CLTB: variants seen among roughly 807,000 people sequenced by gnomAD.
CLTB encodes clathrin light chain B, also known as clathrin, light chain (Lcb).
Under a neutral mutation model 30.5 loss-of-function variants are expected in CLTB, and 10 were observed. The observed-to-expected ratio is 0.33, with a 90% CI of 0.20 to 0.56. CLTB has a LOEUF of 0.56. Ranked by LOEUF, CLTB falls within the 20% of genes least tolerant of loss-of-function variation. CLTB has a pLI of 0.91. For synonymous variants in CLTB, 102 were observed against 120.3 expected, an observed-to-expected ratio of 0.85 and a Z score of 1.00; for missense variants, 261 against 308.3, an observed-to-expected ratio of 0.85 and a Z score of 1.15.
intron 2 of CLTB, chr5:176,406,018 G>C: frequency 2.6e-6 from 1 of 386,988 alleles, no homozygotes; most frequent in South Asian, 1.1e-4. Flanking sequence ...CAGTGGTGCT[G>C]CTGGCAGGCA....
At chr5:176,412,975 C>T (rs1757524199) in intron 1 of CLTB, among the ~76,000 whole-genome samples, 1 of 151,258 alleles carries the variant, frequency 6.6e-6, no homozygotes, top group Non-Finnish European at 1.5e-5. Flanking sequence ...CCTGACCAAC[C>T]CCAGTCTCAG....
intron 1 of CLTB, among the ~76,000 whole-genome samples, chr5:176,414,569 T>C (rs1188620624): frequency 2.0e-5 from 3 of 151,984 alleles, no homozygotes; most frequent in African/African-American, 7.3e-5. Flanking sequence ...CCCGAGCAGC[T>C]GGAACTACAA....
chr5:176,404,426 C>T (rs1001887320), intron 2 of CLTB, among the ~76,000 whole-genome samples: 8 of 152,242 alleles, frequency 5.3e-5, no homozygotes, highest in African/African-American at 7.2e-5. Context: ...GGAGCGGAGC[C>T]TCTAATTCGC....
In CLTB at chr5:176,396,479, A is replaced by ACGTAGC; in HGVS notation, c.512_517dup (p.Gly171_Tyr172dup). 6.2e-7 allele frequency: 1 copy of ACGTAGC among 1,613,484 alleles called. No individual in the cohort carries two copies. Among genetic ancestry groups the ACGTAGC allele is most frequent in the African/African-American group, 1.3e-5 (1 of 75,006 alleles). On this transcript the variant is annotated inframe_insertion and splice_region_variant, in exon 5 of 6. Transcript: ENST00000310418. ...ACAGAGAAGCAAAACAGACACGTAC[A>ACGTAGC]CGTAGCCGATGATATCAGCATCTGG...
In CLTB at chr5:176,396,882, G is replaced by A. The variant is rs146384042; in HGVS notation, c.465-350C>T. On this transcript the variant is annotated intron_variant, in intron 4 of 5. Coordinates refer to ENST00000310418, the MANE Select transcript of CLTB (RefSeq NM_007097.5). ...CTGCCTTCTCTCCCACCGCTCCCTGGCCCCCTGTTGCCTAATACATCACAT... is the reference window on the plus strand; with the variant it reads ...CTGCCTTCTCTCCCACCGCTCCCTGACCCCCTGTTGCCTAATACATCACAT... 1.9e-4 allele frequency among the ~76,000 whole-genome samples: 29 copies of A among 152,062 alleles called. 1 individual carries two copies. The highest frequency in any genetic ancestry group is 7.0e-4 in the African/African-American group (29 of 41,474).
intron 2 of CLTB, among the ~76,000 whole-genome samples, chr5:176,403,045 C>T (rs1473762805): frequency 6.7e-6 from 1 of 148,608 alleles, no homozygotes; most frequent in Non-Finnish European, 1.5e-5. Flanking sequence ...TAAAGCCTGC[C>T]CTAATTTTTT....
In CLTB at chr5:176,393,920, C is replaced by T. The variant is rs1203829042; in HGVS notation, c.519-975G>A. On this transcript the variant is annotated intron_variant, in intron 5 of 5. Transcript: ENST00000310418. This position sits in a 1 kb window ranked among gnomAD's most constrained non-coding sequence, Gnocchi z 4.4. ...AGGGTCGCTCACAAGTCCCTGGAAG[C>T]CCCCTCTCCATCTCAAGCAGGACCA... Among the ~76,000 whole-genome samples, 1 of 152,166 alleles carries T rather than the reference C, an allele frequency of 6.6e-6. No homozygotes were observed. The highest frequency in any genetic ancestry group is 2.4e-5 in the African/African-American group (1 of 41,438).
chr5:176,403,896 G>A (rs13169400), intron 2 of CLTB, among the ~76,000 whole-genome samples: 55,296 of 151,884 alleles, frequency 0.36, 11,126 homozygotes, highest in African/African-American at 0.55. Context: ...AGGTAGCTGG[G>A]ATTACAGGTG....
rs903686277 is a variant in CLTB, at chr5:176,416,485, G to C, written c.-122C>G. On this transcript the variant is annotated 5_prime_UTR_variant, in exon 1 of 6. Transcript: ENST00000310418. ...CGGGGGAGCCGGCGTCGGCGGGGAC[G>C]GGCTTGGCGCGGACCGCACTTCCTC... 3.5e-6 allele frequency: 3 copies of C among 850,816 alleles called. No homozygotes were observed. Among genetic ancestry groups the C allele is most frequent in the African/African-American group, 3.6e-5 (2 of 55,240 alleles). The allele number at this position is 850,816 out of a possible 1,614,324, so 52.7% of individuals were successfully genotyped here.
chr5:176,416,134 G>A (rs111288271), intron 1 of CLTB, 43 bp downstream of exon 1: 124,917 of 1,463,000 alleles, frequency 0.085, 6,908 homozygotes, highest in East Asian at 0.24. Flanking sequence ...GGGTCCCCCG[G>A]GTGCGCGCCC....
At chr5:176,403,410 G>A (rs990603564) in intron 2 of CLTB, among the ~76,000 whole-genome samples, 1 of 151,418 alleles carries the variant, frequency 6.6e-6, no homozygotes, top group African/African-American at 2.4e-5. Flanking sequence ...TTTAATCTTC[G>A]CAACCCTACA....
In CLTB at chr5:176,410,196, T is replaced by G. The variant is rs368647130; in HGVS notation, c.234+61A>C. On this transcript the variant is annotated intron_variant, in intron 2 of 5. Coordinates refer to ENST00000310418, the MANE Select transcript of CLTB (RefSeq NM_007097.5). ...AGCTGTAAGCCTACAACAATGAGGC[T>G]TTAGGTTACTGAGACCAGGGCTGTT... is the stretch of plus-strand genomic sequence containing the variant. The G allele has an allele frequency of 1.9e-5, 27 of 1,431,996 alleles. No homozygotes were observed. In the African/African-American group the frequency reaches 3.8e-4, roughly 20 times the overall value. The allele number at this position is 1,431,996 out of a possible 1,614,324, so 88.7% of individuals were successfully genotyped here. A position where few individuals can be genotyped will look rare whatever the true frequency, so the allele number is the denominator to read the frequency against.
At chr5:176,411,898 C>T (rs543564051) in intron 1 of CLTB, among the ~76,000 whole-genome samples, 3 of 152,182 alleles carry the variant, frequency 2.0e-5, no homozygotes, top group South Asian at 4.1e-4. Context: ...TTTTTTGGGC[C>T]GGGCGTGGTG....
At chr5:176,400,390 T>C (rs1756760284) in intron 2 of CLTB, among the ~76,000 whole-genome samples, 1 of 152,194 alleles carries the variant, frequency 6.6e-6, no homozygotes, top group Non-Finnish European at 1.5e-5. Context: ...GGGAGGAAAC[T>C]GAGGCCCAGA....
chr5:176,395,294 G>A (rs902493485), intron 5 of CLTB, among the ~76,000 whole-genome samples: 11 of 152,220 alleles, frequency 7.2e-5, no homozygotes, highest in Non-Finnish European at 1.5e-4. Context: ...TCCCCAGGCA[G>A]AGAGTGGCTT....
chr5:176,413,682 C>T (rs907039239), intron 1 of CLTB, among the ~76,000 whole-genome samples: 1 of 152,242 alleles, frequency 6.6e-6, no homozygotes, highest in African/African-American at 2.4e-5. Context: ...TTTTTCTCTG[C>T]CCCATCCAGG....
chr5:176,397,434 C>T (rs1174177187), intron 4 of CLTB, among the ~76,000 whole-genome samples, 173 bp downstream of exon 4: 1 of 145,950 alleles, frequency 6.9e-6, no homozygotes, highest in Non-Finnish European at 1.5e-5. Flanking sequence ...ACAGCTCCCT[C>T]ATGTCCCCAC....
chr5:176,414,377 C>T (rs903362059), intron 1 of CLTB, among the ~76,000 whole-genome samples: 2 of 152,094 alleles, frequency 1.3e-5, no homozygotes, highest in Non-Finnish European at 2.9e-5. Context: ...GCAAAAGACC[C>T]CATGCTTCTC....
chr5:176,411,896 G>A (rs1757441649), intron 1 of CLTB, among the ~76,000 whole-genome samples: 1 of 152,038 alleles, frequency 6.6e-6, no homozygotes, highest in Non-Finnish European at 1.5e-5. Context: ...GCTTTTTTGG[G>A]CCGGGCGTGG....
Sources: gnomAD v4.1 joint callset for allele counts (sites outside exome capture counted in the v4.1 genomes callset) on GRCh38, gnomAD v4.1.1 for gene constraint, Gnocchi (gnomAD v3.1) non-coding constraint, MANE v1.5 for transcripts, NCBI Gene and HGNC (gene_info 2026-07-23, HGNC 2026-07-21) for gene names.